ALOX5AP: variants seen among roughly 807,000 people sequenced by gnomAD.
ALOX5AP encodes arachidonate 5-lipoxygenase-activating protein.
Under a neutral mutation model 18.5 loss-of-function variants are expected in ALOX5AP, and 9 were observed. The ratio of observed to expected loss-of-function variants is 0.49; its 90% CI spans 0.29 to 0.85. The LOEUF (loss-of-function observed/expected upper bound fraction) is 0.85. Ranked by LOEUF, ALOX5AP falls within the 40% of genes least tolerant of loss-of-function variation. The probability of loss-of-function intolerance (pLI) is 0.08; values close to 1 mark genes in which losing one functional copy is unlikely to be tolerated. For synonymous variants in ALOX5AP, 81 were observed against 78.6 expected (o/e 1.03, Z -0.16); for missense variants, 172 against 202.5 (o/e 0.85, Z 0.91).
At chr13:30,732,647 G>C (rs1259631371), upstream of ALOX5AP, among the ~76,000 whole-genome samples, 2 of 152,140 alleles carry the variant, frequency 1.3e-5, no homozygotes, top group African/African-American at 4.8e-5. Flanking sequence ...TGTCCTAAGA[G>C]TTTAGATGAG....
chr13:30,751,055 T>C (rs1248005717), intron 2 of ALOX5AP, among the ~76,000 whole-genome samples: 1 of 152,130 alleles, frequency 6.6e-6, no homozygotes, highest in Non-Finnish European at 1.5e-5. Flanking sequence ...TCCTGAACCA[T>C]AGTAAAAGGG....
chr13:30,718,391 A>ATATG lies in ALOX5AP; in HGVS notation c.116+4553_116+4554insGTAT, dbSNP rs1409309122. Among the ~76,000 whole-genome samples the ATATG allele has an allele frequency of 8.8e-4, 130 of 147,616 alleles. 2 individuals carry two copies. The highest frequency in any genetic ancestry group is 2.9e-3 in the African/African-American group (120 of 40,682). On this transcript the variant is annotated intron_variant, in intron 1 of 5. Coordinates refer to the ALOX5AP transcript ENST00000617770. The stretch of plus-strand genomic sequence containing the variant: ...ACCTATCACAGATATGCATATATAT[A>ATATG]TATATATATATATATGCATATCTAT...
chr13:30,739,030 T>C (rs974164759), intron 1 of ALOX5AP, among the ~76,000 whole-genome samples: 3 of 152,150 alleles, frequency 2.0e-5, no homozygotes, highest in African/African-American at 4.8e-5. Context: ...AGCAGAATCA[T>C]AGACTCATGA....
intron 4 of ALOX5AP, among the ~76,000 whole-genome samples, chr13:30,759,367 A>T (rs17245666): frequency 6.6e-6 from 1 of 152,156 alleles, no homozygotes; most frequent in South Asian, 2.1e-4. Context: ...CTTGAGGCCA[A>T]TGAACTCAGG....
At chr13:30,720,074 G>T (rs1012144486) in intron 1 of ALOX5AP, among the ~76,000 whole-genome samples, 1 of 152,100 alleles carries the variant, frequency 6.6e-6, no homozygotes, top group Non-Finnish European at 1.5e-5. Context: ...GTTGGCCAGG[G>T]TGGTCTTGAT....
chr13:30,724,418 C>T (rs1026614808), intron 1 of ALOX5AP, among the ~76,000 whole-genome samples: 1 of 152,190 alleles, frequency 6.6e-6, no homozygotes, highest in Admixed American at 6.5e-5. Flanking sequence ...GACCCCAGAA[C>T]AATGAATGTA....
chr13:30,720,722 G>C (rs1039810942), intron 1 of ALOX5AP, among the ~76,000 whole-genome samples: 73 of 152,340 alleles, frequency 4.8e-4, no homozygotes, highest in African/African-American at 1.7e-3. Context: ...GGCTAATTTT[G>C]CTGGGGGAAG....
chr13:30,754,386 G>A (rs1471471816), intron 3 of ALOX5AP, among the ~76,000 whole-genome samples: 1 of 152,208 alleles, frequency 6.6e-6, no homozygotes, highest in African/African-American at 2.4e-5. Context: ...CATTGCTGGT[G>A]TGTGACTCCA....
chr13:30,725,508 C>T (rs1216588141), intron 1 of ALOX5AP, among the ~76,000 whole-genome samples: 1 of 152,246 alleles, frequency 6.6e-6, no homozygotes, highest in African/African-American at 2.4e-5. Flanking sequence ...CAATTTGGCT[C>T]CAGCCATTGC....
At chr13:30,762,560 G>A (rs1951950408) in intron 4 of ALOX5AP, among the ~76,000 whole-genome samples, 1 of 151,328 alleles carries the variant, frequency 6.6e-6, no homozygotes, top group South Asian at 2.1e-4. Context: ...CTGCACTCCA[G>A]CTGGGCAATA....
chr13:30,732,084 C>G (rs890325358), upstream of ALOX5AP, among the ~76,000 whole-genome samples: 1 of 152,260 alleles, frequency 6.6e-6, no homozygotes, highest in African/African-American at 2.4e-5. Flanking sequence ...ACGCTCTTCT[C>G]GGGTGAAGTG....
chr13:30,752,072 A>G lies in ALOX5AP; in HGVS notation c.191A>G (p.Tyr64Cys). 1 of 1,611,356 alleles carries G rather than the reference A, an allele frequency of 6.2e-7. No individual in the cohort carries two copies. The highest frequency in any genetic ancestry group is 8.5e-7 in the Non-Finnish European group (1 of 1,179,008). ...TGCAGCCAGAACTGTGTAGATGCGTACCCCACTTTCCTCGCTGTGCTCTGG... is the reference window on the plus strand; with the variant it reads ...TGCAGCCAGAACTGTGTAGATGCGTGCCCCACTTTCCTCGCTGTGCTCTGG... ...YTANQNCVDA[Y>C]PTFLAVLWSA... Residue 64 changes from tyrosine to cysteine, a missense_variant, in exon 3 of 5, where the codon TAC (tyrosine) becomes TGC (cysteine). By Grantham distance (194) the Tyr-to-Cys change is radical. Transcript: ENST00000380490.
chr13:30,745,443 C>T (rs17238759), intron 2 of ALOX5AP, among the ~76,000 whole-genome samples: 1,548 of 152,312 alleles, frequency 0.01, 13 homozygotes, highest in Non-Finnish European at 0.017. Flanking sequence ...AGTGCTGCTA[C>T]AGTGGGCCAC....
chr13:30,742,859 G>GCCCCCCCCCCCCCCCCCCCCCC (rs11316477), intron 1 of ALOX5AP, among the ~76,000 whole-genome samples: 2 of 105,970 alleles, frequency 1.9e-5, no homozygotes, highest in Non-Finnish European at 3.7e-5. Context: ...GACCTTCACC[G>GCCCCCCCCCCCCCCCCCCCCCC]CCCCCCCCCC....
chr13:30,748,362 T>G (rs1468662243), intron 2 of ALOX5AP, among the ~76,000 whole-genome samples: 1 of 152,184 alleles, frequency 6.6e-6, no homozygotes, highest in African/African-American at 2.4e-5. Flanking sequence ...CCAAACTAAT[T>G]AACGGAACAC....
Position 30,720,149 on chromosome 13 carries a change from C to T in ALOX5AP, c.116+6308C>T, listed in dbSNP as rs9706623. ...TGCTGGGATTACAGGCGTGAGCCAC[C>T]GCGCCCGGCCTCTAGAGGATAATTT... is the stretch of plus-strand genomic sequence containing the variant. On this transcript the variant is annotated intron_variant, in intron 1 of 5. Coordinates refer to the ALOX5AP transcript ENST00000617770. 7.2e-5 allele frequency among the ~76,000 whole-genome samples: 11 copies of T among 152,294 alleles called. No individual in the cohort carries two copies. In the South Asian group the frequency reaches 1.7e-3, roughly 23 times the overall value.
chr13:30,733,823 C>T (rs1951700200), upstream of ALOX5AP, among the ~76,000 whole-genome samples: 2 of 151,320 alleles, frequency 1.3e-5, no homozygotes, highest in Admixed American at 1.3e-4. Flanking sequence ...CCCTTGGACA[C>T]TGGAGCCCCT....
intron 4 of ALOX5AP, among the ~76,000 whole-genome samples, chr13:30,761,766 T>C (rs1951943884): frequency 6.6e-6 from 1 of 152,200 alleles, no homozygotes; most frequent in Non-Finnish European, 1.5e-5. Context: ...ATCACCTCAC[T>C]GAGCATGTCT....
chr13:30,716,482 A>T (rs1346773787), intron 1 of ALOX5AP, among the ~76,000 whole-genome samples: 1 of 152,266 alleles, frequency 6.6e-6, no homozygotes, highest in African/African-American at 2.4e-5. Flanking sequence ...TCTGCATTTT[A>T]TCAGATTCCG....
Sources: allele counts gnomAD v4.1 joint callset (sites outside exome capture counted in the v4.1 genomes callset), GRCh38; gene constraint gnomAD v4.1.1; transcripts MANE v1.5; gene names NCBI Gene and HGNC (gene_info 2026-07-23, HGNC 2026-07-21).